MS4A2: variants seen among roughly 807,000 people sequenced by gnomAD.
MS4A2 encodes membrane spanning 4-domains A2.
In MS4A2, 26 loss-of-function variants were observed where a neutral mutation model predicts 27.9. The ratio of observed to expected loss-of-function variants is 0.93; its 90% CI spans 0.68 to 1.29. The LOEUF is 1.29. Ranked by LOEUF, MS4A2 falls within the 50% of genes most tolerant of loss-of-function variation. The pLI is 0.00. For synonymous variants in MS4A2, 110 were observed against 98.8 expected (o/e 1.11, Z -0.67); for missense variants, 284 against 284.6 (o/e 1.00, Z 0.01).
rs888719165 is a variant in MS4A2 at position 60,096,596 on chromosome 11, A to T, written c.*940A>T. 6.6e-6 allele frequency: 1 copy of T among 152,196 alleles called. No individual in the cohort carries two copies. Among genetic ancestry groups the T allele is most frequent in the South Asian group, 2.1e-4 (1 of 4,830 alleles). The allele number at this position is 152,196 out of a possible 1,614,324, so 9.4% of individuals were successfully genotyped here. ...ACACTGGTTATGTTGATAGAATGAT[A>T]AAAAGGGTCGGGCGCGGAGGCTCAC... On this transcript the variant is annotated 3_prime_UTR_variant, in exon 7 of 7. Coordinates refer to ENST00000278888, the MANE Select transcript of MS4A2 (RefSeq NM_000139.5).
At chr11:60,093,659 T>A in intron 5 of MS4A2, 101 bp downstream of exon 5, 1 of 1,457,600 alleles carries the variant, frequency 6.9e-7, no homozygotes, top group Non-Finnish European at 9.6e-7. Flanking sequence ...TTTCTGTAAC[T>A]TCTATTACAC....
rs1855805859 is a variant in MS4A2, at chr11:60,093,455, T to G, written c.434T>G (p.Ile145Ser). ...TASSIAGGTG[I>S]TILIINLKKS... ...AGCAGCATAGCTGGGGGAACGGGAA[T>G]TACCATCCTGATCATCAACCTGAAG... The change falls in exon 5 of 7, where the codon ATT becomes AGT. Residue 145 changes from isoleucine to serine, a missense_variant. Ile to Ser is a moderately radical substitution (Grantham distance 142). Transcript: ENST00000278888. The G allele has an allele frequency of 6.2e-7, 1 of 1,614,040 alleles. No individual in the cohort carries two copies. The highest frequency in any genetic ancestry group is 8.5e-7 in the Non-Finnish European group (1 of 1,180,046).
upstream of MS4A2, chr11:60,088,565 A>C: frequency 7.2e-7 from 1 of 1,379,572 alleles, no homozygotes; most frequent in Admixed American, 2.9e-5. Context: ...TAATTTTTCT[A>C]TTCATCACAA....
Position 60,096,576 on chromosome 11 carries a change from GGTTAT to G in MS4A2, c.*924_*928del, listed in dbSNP as rs1009343529. 1.3e-5 allele frequency: 2 copies of G among 152,122 alleles called. No individual in the cohort carries two copies. Among genetic ancestry groups the G allele is most frequent in the African/African-American group, 4.8e-5 (2 of 41,414 alleles). The allele number at this position is 152,122 out of a possible 1,614,324, so 9.4% of individuals were successfully genotyped here. ...GAGTCTAAGATGAAAGGAGAACACTGGTTATGTTGATAGAATGATAAAAAGGGTCG... is the reference window on the plus strand; with the variant it reads ...GAGTCTAAGATGAAAGGAGAACACTGGTTGATAGAATGATAAAAAGGGTCG... On this transcript the variant is annotated 3_prime_UTR_variant, in exon 7 of 7. Transcript: ENST00000278888.
At position 60,093,576 on chromosome 11, in the gene MS4A2, T is replaced by C; in HGVS notation, c.537+18T>C. On this transcript the variant is annotated intron_variant, in intron 5 of 6. Transcript: ENST00000278888. ...TTTCCACTGTATGTATTTTTTTTTGTGTGGGAAGACTAAGATTCTGGGTCC... is the reference window on the plus strand; with the variant it reads ...TTTCCACTGTATGTATTTTTTTTTGCGTGGGAAGACTAAGATTCTGGGTCC... The C allele has an allele frequency of 6.2e-7, 1 of 1,614,064 alleles. No individual in the cohort carries two copies. Among genetic ancestry groups the C allele is most frequent in the Non-Finnish European group, 8.5e-7 (1 of 1,179,974 alleles).
Position 60,095,893 on chromosome 11 carries a change from C to G in MS4A2, c.*237C>G, listed in dbSNP as rs1440476146. 1 of 520,486 alleles carries G rather than the reference C, an allele frequency of 1.9e-6. No homozygotes were observed. Among genetic ancestry groups the G allele is most frequent in the Non-Finnish European group, 3.4e-6 (1 of 289,888 alleles). 32.2% of individuals were successfully genotyped at this position (520,486 alleles called of 1,614,324 possible). A position where few individuals can be genotyped will look rare whatever the true frequency, so the allele number is the denominator to read the frequency against. ...TGTTTTATATTATGACCACACACAT[C>G]TCTGCTGGAAAGTCAACATGTAGTA... On this transcript the variant is annotated 3_prime_UTR_variant, in exon 7 of 7. Coordinates refer to ENST00000278888, the MANE Select transcript of MS4A2 (RefSeq NM_000139.5).
Position 60,097,842 on chromosome 11 carries a change from C to A in MS4A2, c.*2186C>A, listed in dbSNP as rs1855896603. Reference sequence around the variant, plus strand: ...TGTAGGGCCTGAGGTTTTCCATTCTCATTTTTCTAAAATACAATTTTGTTT... The same window carrying A: ...TGTAGGGCCTGAGGTTTTCCATTCTAATTTTTCTAAAATACAATTTTGTTT... On this transcript the variant is annotated 3_prime_UTR_variant, in exon 7 of 7. Coordinates refer to ENST00000278888, the MANE Select transcript of MS4A2 (RefSeq NM_000139.5). The A allele has an allele frequency of 6.6e-6, 1 of 152,164 alleles. No individual in the cohort carries two copies. Among genetic ancestry groups the A allele is most frequent in the South Asian group, 2.1e-4 (1 of 4,830 alleles). The allele number at this position is 152,164 out of a possible 1,614,324, so 9.4% of individuals were successfully genotyped here.
rs5792169 is a variant in MS4A2 at position 60,096,886 on chromosome 11, C to CAAAAAAAAAAA, written c.*1244_*1254dup. The CAAAAAAAAAAA allele has an allele frequency of 7.3e-5, 4 of 55,044 alleles. No individual in the cohort carries two copies. The highest frequency in any genetic ancestry group is 6.3e-4 in the East Asian group (1 of 1,578). 3.4% of individuals were successfully genotyped at this position (55,044 alleles called of 1,614,324 possible). A position where few individuals can be genotyped will look rare whatever the true frequency, so the allele number is the denominator to read the frequency against. On this transcript the variant is annotated 3_prime_UTR_variant, in exon 7 of 7. Transcript: ENST00000278888. The stretch of plus-strand genomic sequence containing the variant: ...TTGGTGACAATGGGAGACTCCATCT[C>CAAAAAAAAAAA]AAAAAAAAAAAAAAAAAAAAAAAAG...
At chr11:60,090,561 A>G in intron 3 of MS4A2, 91 bp downstream of exon 3, 1 of 1,190,382 alleles carries the variant, frequency 8.4e-7, no homozygotes, top group Non-Finnish European at 1.2e-6. Flanking sequence ...TCCCAGTATT[A>G]ACATGATATT....
chr11:60,093,802 TTGTGTGTGTGTGTGTG>T (rs60162275), intron 5 of MS4A2, 146 bp from the exon 6 acceptor site: 127 of 640,390 alleles, frequency 2.0e-4, no homozygotes, highest in Middle Eastern at 7.6e-4. Flanking sequence ...GTGCCTGTGT[TTGTGTGTGTGTGTGTG>T]TGTGTGTGTG....
chr11:60,088,917 G>A, intron 1 of MS4A2, 96 bp downstream of exon 1: 4 of 1,216,736 alleles, frequency 3.3e-6, no homozygotes. Flanking sequence ...TATTGATTTA[G>A]GCATGGATCC....
At chr11:60,092,751 A>G in intron 3 of MS4A2, 41 bp from the exon 4 acceptor site, 3 of 1,582,740 alleles carry the variant, frequency 1.9e-6, no homozygotes, top group African/African-American at 1.3e-5. Flanking sequence ...CATTGAAAAC[A>G]AGAAACTCAT....
chr11:60,088,776 A>G lies in MS4A2; in HGVS notation c.11A>G (p.Glu4Gly). 6.2e-7 allele frequency: 1 copy of G among 1,612,136 alleles called. No homozygotes were observed. Among genetic ancestry groups the G allele is most frequent in the Non-Finnish European group, 8.5e-7 (1 of 1,178,876 alleles). Residue 4 changes from glutamate (E) to glycine (G), a missense_variant, in exon 1 of 7, where the codon GAA (glutamate) becomes GGA (glycine). By Grantham distance (98) the Glu-to-Gly change is moderately conservative. Coordinates refer to ENST00000278888, the MANE Select transcript of MS4A2 (RefSeq NM_000139.5). ...TCGGTTAATGAAAAAATGGACACAGAAAGTAATAGGAGAGCAAATCTTGCT... is the reference window on the plus strand; with the variant it reads ...TCGGTTAATGAAAAAATGGACACAGGAAGTAATAGGAGAGCAAATCTTGCT... MDT[E>G]SNRRANLALP...
chr11:60,089,778 A>G lies in MS4A2; in HGVS notation c.143A>G (p.His48Arg), dbSNP rs1288003675. The G allele has an allele frequency of 6.2e-7, 1 of 1,614,072 alleles. No homozygotes were observed. Among genetic ancestry groups the G allele is most frequent in the Non-Finnish European group, 8.5e-7 (1 of 1,180,022 alleles). Reference sequence around the variant, plus strand: ...AAGTCGGCCTCATCCCCACCACTGCATACATGGCTGACAGTTTTGAAAAAA... The same window carrying G: ...AAGTCGGCCTCATCCCCACCACTGCGTACATGGCTGACAGTTTTGAAAAAA... ...LLKSASSPPL[H>R]TWLTVLKKEQ... is the part of the protein sequence containing the mutation. Residue 48 changes from histidine (H) to arginine (R), a missense_variant, in exon 2 of 7, where the codon CAT becomes CGT. His to Arg is a conservative substitution (Grantham distance 29). Transcript: ENST00000278888.
Position 60,095,738 on chromosome 11 carries a change from T to G in MS4A2, c.*82T>G. The G allele has an allele frequency of 1.2e-6, 1 of 861,772 alleles. No individual in the cohort carries two copies. The highest frequency in any genetic ancestry group is 1.4e-5 in the South Asian group (1 of 73,670). The allele number at this position is 861,772 out of a possible 1,614,324, so 53.4% of individuals were successfully genotyped here. A position where few individuals can be genotyped will look rare whatever the true frequency, so the allele number is the denominator to read the frequency against. On this transcript the variant is annotated 3_prime_UTR_variant, in exon 7 of 7. Coordinates refer to ENST00000278888, the MANE Select transcript of MS4A2 (RefSeq NM_000139.5). ...TTGTTAAGGGGCTACTGGAAAAATT[T>G]CTATTCTCTCCACAGCCTGCTGGTT...
rs532924292 is a variant in MS4A2 at position 60,090,489 on chromosome 11, T to C, written c.321+19T>C. The stretch of plus-strand genomic sequence containing the variant: ...CATATTTGTGAGTATATATCTATAA[T>C]TGTTTCTGAAATAACACTGAACATA... On this transcript the variant is annotated intron_variant, in intron 3 of 6. Coordinates refer to ENST00000278888, the MANE Select transcript of MS4A2 (RefSeq NM_000139.5). 3.2e-5 allele frequency: 51 copies of C among 1,610,476 alleles called. 4 individuals are homozygous for C. In the South Asian group the frequency reaches 5.4e-4, roughly 17 times the overall value.
intron 6 of MS4A2, 116 bp from the exon 7 acceptor site, chr11:60,095,442 T>G: frequency 1.4e-6 from 1 of 727,178 alleles, no homozygotes; most frequent in Non-Finnish European, 2.5e-6. Flanking sequence ...CAGAGTTTAA[T>G]GACAGAGAGC....
rs1039167317 is a variant in MS4A2, at chr11:60,097,450, T to A, written c.*1794T>A. On this transcript the variant is annotated 3_prime_UTR_variant, in exon 7 of 7. Coordinates refer to ENST00000278888, the MANE Select transcript of MS4A2 (RefSeq NM_000139.5). Reference sequence around the variant, plus strand: ...TGCTGAGAAATTCCACACATGAGTATTGTGATGAGTAAATGAATAAAACAT... The same window carrying A: ...TGCTGAGAAATTCCACACATGAGTAATGTGATGAGTAAATGAATAAAACAT... 6.6e-6 allele frequency: 1 copy of A among 152,152 alleles called. No homozygotes were observed. The highest frequency in any genetic ancestry group is 1.5e-5 in the Non-Finnish European group (1 of 68,036). The allele number at this position is 152,152 out of a possible 1,614,324, so 9.4% of individuals were successfully genotyped here.
rs572519861 is a variant in MS4A2, at chr11:60,093,340, G to A, written c.379-60G>A. On this transcript the variant is annotated intron_variant, in intron 4 of 6. Transcript: ENST00000278888. ...TGCATCCAGCCCTGAAATGAAGATAGGTTTATTGAATGTGCCAGCAAGTGC... is the reference window on the plus strand; with the variant it reads ...TGCATCCAGCCCTGAAATGAAGATAAGTTTATTGAATGTGCCAGCAAGTGC... 162 of 1,609,272 alleles carry A rather than the reference G, an allele frequency of 1.0e-4. No individual in the cohort carries two copies. In the African/African-American group the frequency reaches 2.0e-3, roughly 20 times the overall value.
Sources: gnomAD v4.1 joint callset for allele counts on GRCh38, gnomAD v4.1.1 for gene constraint, MANE v1.5 for transcripts, NCBI Gene and HGNC (gene_info 2026-07-23, HGNC 2026-07-21) for gene names.